The following ARHGEF7 variants were observed in gnomAD, a reference collection of about 807,000 sequenced individuals.
ARHGEF7 encodes Rho guanine nucleotide exchange factor 7.
In ARHGEF7, 33 loss-of-function variants were observed where a neutral mutation model predicts 109.8. The ratio of observed to expected loss-of-function variants is 0.30; its 90% CI spans 0.23 to 0.40. The LOEUF (loss-of-function observed/expected upper bound fraction) is 0.40. Ranked by LOEUF, ARHGEF7 falls within the 10% of genes least tolerant of loss-of-function variation. The probability of loss-of-function intolerance (pLI) is 1.00; values close to 1 mark genes in which losing one functional copy is unlikely to be tolerated. For synonymous variants in ARHGEF7, 458 were observed against 424.6 expected (o/e 1.08, Z -0.97); for missense variants, 938 against 1,098.5 (o/e 0.85, Z 2.07).
intron 6 of ARHGEF7, among the ~76,000 whole-genome samples, chr13:111,234,144 C>A (rs142148207): frequency 1.9e-3 from 283 of 152,284 alleles, no homozygotes; most frequent in Middle Eastern, 0.014. Context: ...TATGAACCCA[C>A]GAGACCTTTG....
chr13:111,269,287 C>T (rs1443600314), intron 9 of ARHGEF7, among the ~76,000 whole-genome samples: 2 of 152,066 alleles, frequency 1.3e-5, no homozygotes, highest in Admixed American at 6.5e-5. Context: ...ATTTGTATCT[C>T]TGGAAATTCT....
At chr13:111,206,366 T>C (rs1035594634) in intron 3 of ARHGEF7, among the ~76,000 whole-genome samples, 2 of 152,024 alleles carry the variant, frequency 1.3e-5, no homozygotes, top group Non-Finnish European at 2.9e-5. Flanking sequence ...TCCCAGCGCA[T>C]GTGTGCTCTG....
At position 111,153,787 on chromosome 13, in the gene ARHGEF7, G is replaced by A. The variant is rs560560802; in HGVS notation, c.166-118G>A. ...AGCGGGCTCGCTCCAGGCCGTCGGG[G>A]GCCGCTCGCCAGCGTCGCCCGCTGT... is the stretch of plus-strand genomic sequence containing the variant. On this transcript the variant is annotated intron_variant, in intron 1 of 21. Transcript: ENST00000646102. 1,355 of 1,385,284 alleles carry A rather than the reference G, an allele frequency of 9.8e-4. 1 individual carries two copies. Among genetic ancestry groups the A allele is most frequent in the Non-Finnish European group, 1.2e-3 (1,273 of 1,079,742 alleles). The allele number at this position is 1,385,284 out of a possible 1,614,324, so 85.8% of individuals were successfully genotyped here.
intron 2 of ARHGEF7, among the ~76,000 whole-genome samples, chr13:111,188,482 C>G (rs1266855530): frequency 1.3e-5 from 2 of 152,198 alleles, no homozygotes; most frequent in African/African-American, 4.8e-5. Context: ...CCATCCTTTC[C>G]CTGCCTGCCT....
chr13:111,178,312 C>G (rs759468750), intron 2 of ARHGEF7, among the ~76,000 whole-genome samples: 59 of 152,298 alleles, frequency 3.9e-4, no homozygotes, highest in Non-Finnish European at 5.9e-4. Flanking sequence ...GAGTTCTTTT[C>G]AGACCATATT....
intron 13 of ARHGEF7, among the ~76,000 whole-genome samples, chr13:111,279,032 G>T (rs910038381): frequency 1.3e-5 from 2 of 152,178 alleles, no homozygotes; most frequent in African/African-American, 4.8e-5. Flanking sequence ...CTGGCTTTGG[G>T]GGATGCCAAA....
rs2093613933 is a variant in ARHGEF7 at position 111,303,806 on chromosome 13, A to C, written c.*693A>C. 1 of 152,260 alleles carries C rather than the reference A, an allele frequency of 6.6e-6. No homozygotes were observed. Among genetic ancestry groups the C allele is most frequent in the Non-Finnish European group, 1.5e-5 (1 of 68,058 alleles). The allele number at this position is 152,260 out of a possible 1,614,324, so 9.4% of individuals were successfully genotyped here. On this transcript the variant is annotated 3_prime_UTR_variant, in exon 22 of 22. Transcript: ENST00000646102. ...TGACCTCAAGGAAGGCCCATACGGC[A>C]CTGCCGCATCCACCTAGAGGTGTTT...
At chr13:111,274,424 G>T (rs1262832426) in intron 10 of ARHGEF7, among the ~76,000 whole-genome samples, 1 of 152,202 alleles carries the variant, frequency 6.6e-6, no homozygotes. Flanking sequence ...CTTCTTCACG[G>T]CTACACAGCT....
At chr13:111,151,251 C>T (rs147201294) in intron 1 of ARHGEF7, among the ~76,000 whole-genome samples, 85 of 152,344 alleles carry the variant, frequency 5.6e-4, no homozygotes, top group African/African-American at 1.8e-3. Flanking sequence ...ACCCTTTTCA[C>T]GTATAACACT....
chr13:111,283,344 C>G lies in ARHGEF7; in HGVS notation c.1931C>G (p.Ala644Gly). 1 of 1,548,436 alleles carries G rather than the reference C, an allele frequency of 6.5e-7. No homozygotes were observed. Among genetic ancestry groups the G allele is most frequent in the South Asian group, 1.2e-5 (1 of 84,620 alleles). ...LRPAPPLRPSAALCYKEDLSK... is the reference protein window; with the variant it reads ...LRPAPPLRPSGALCYKEDLSK... The stretch of plus-strand genomic sequence containing the variant: ...CCCGCGCCTCCCCTCCGGCCCTCAG[C>G]TGCTCTCTGCTACAAGGAGGTGAGG... The change falls in exon 16 of 22, where the codon GCT (alanine) becomes GGT (glycine). Residue 644 changes from alanine (A) to glycine (G), a missense_variant. Transcript: ENST00000646102.
At chr13:111,267,443 T>C in intron 8 of ARHGEF7, 105 bp from the exon 9 acceptor site, 1 of 1,447,490 alleles carries the variant, frequency 6.9e-7, no homozygotes, top group Non-Finnish European at 9.4e-7. Flanking sequence ...CACAGATGGG[T>C]GCAGAGGGAG....
At chr13:111,168,276 G>A in intron 2 of ARHGEF7, among the ~76,000 whole-genome samples, 1 of 152,122 alleles carries the variant, frequency 6.6e-6, no homozygotes, top group East Asian at 1.9e-4. Context: ...TGCGGTGTGC[G>A]ACAGCTGTGT....
chr13:111,219,113 C>T (rs1248920144), intron 5 of ARHGEF7, among the ~76,000 whole-genome samples: 2 of 152,174 alleles, frequency 1.3e-5, no homozygotes, highest in African/African-American at 4.8e-5. Flanking sequence ...ACCATCACCA[C>T]CGTTTATCTC....
In ARHGEF7 at chr13:111,274,760, A is replaced by G. The variant is rs764088341; in HGVS notation, c.1242A>G (p.Gln414=). 1.3e-6 allele frequency: 2 copies of G among 1,507,424 alleles called. No homozygotes were observed. Among genetic ancestry groups the G allele is most frequent in the Non-Finnish European group, 1.8e-6 (2 of 1,128,564 alleles). The allele number at this position is 1,507,424 out of a possible 1,614,324, so 93.4% of individuals were successfully genotyped here. Residue 414 remains glutamine, a synonymous_variant, in exon 11 of 22, where the codon CAA becomes CAG. Transcript: ENST00000646102. ...EDYHTDRQDI[Q]KSMAAFKNLS... ...ATCATACAGATAGACAAGATATTCA[A>G]AAATCCATGGCTGCCTTCAAAAACC...
intron 15 of ARHGEF7, chr13:111,281,216 T>G (rs1021968189): frequency 1.4e-5 from 2 of 143,256 alleles, no homozygotes; most frequent in Non-Finnish European, 3.0e-5. Context: ...TTTTACAACT[T>G]TTCAGAATAG....
At position 111,131,943 on chromosome 13, in the gene ARHGEF7, A is replaced by T. The variant is rs1169012771; in HGVS notation, c.165+16252A>T. 4.6e-5 allele frequency among the ~76,000 whole-genome samples: 7 copies of T among 152,122 alleles called. No individual in the cohort carries two copies. The highest frequency in any genetic ancestry group is 1.2e-4 in the African/African-American group (5 of 41,426). On this transcript the variant is annotated intron_variant, in intron 1 of 21. Transcript: ENST00000646102. This position sits in a 1 kb window ranked among gnomAD's most constrained non-coding sequence, Gnocchi z 4.4. ...TTGGAATAGAGTTGTGGAGTATGAG[A>T]GAGGGGTGGACTCAGTGAGGGGGTG...
In ARHGEF7 at chr13:111,145,617, G is replaced by T. The variant is rs1452285076; in HGVS notation, c.166-8288G>T. Among the ~76,000 whole-genome samples, 2 of 152,156 alleles carry T rather than the reference G, an allele frequency of 1.3e-5. No individual in the cohort carries two copies. The highest frequency in any genetic ancestry group is 3.9e-4 in the East Asian group (2 of 5,190). On this transcript the variant is annotated intron_variant, in intron 1 of 21. Transcript: ENST00000646102. This position sits in a 1 kb window ranked among gnomAD's most constrained non-coding sequence, Gnocchi z 4.3. ...CTGTGCCGTAGGTACTTACACCAGG[G>T]CTTTAAAGGCACCAGTGTGACGGGG...
chr13:111,253,811 G>C (rs1395627817), intron 8 of ARHGEF7, among the ~76,000 whole-genome samples: 1 of 152,152 alleles, frequency 6.6e-6, no homozygotes, highest in Admixed American at 6.5e-5. Flanking sequence ...CCTATACTTT[G>C]TGCTGCTTTG....
chr13:111,277,335 T>C (rs1397454730), intron 12 of ARHGEF7, among the ~76,000 whole-genome samples: 33 of 152,232 alleles, frequency 2.2e-4, no homozygotes, highest in Admixed American at 1.6e-3. Context: ...CTTTTGTTTT[T>C]TGAAGAATTT....
Sources: gnomAD v4.1 joint callset for allele counts (sites outside exome capture counted in the v4.1 genomes callset) on GRCh38, gnomAD v4.1.1 for gene constraint, Gnocchi (gnomAD v3.1) non-coding constraint, MANE v1.5 for transcripts, NCBI Gene and HGNC (gene_info 2026-07-23, HGNC 2026-07-21) for gene names.